The following BACH2 variants were observed in gnomAD, a reference collection of about 807,000 sequenced individuals.
BACH2 encodes the protein transcription regulator protein BACH2.
A neutral mutation model predicts 61.8 loss-of-function variants in BACH2; 5 were observed. That is an observed-to-expected ratio of 0.08 (90% confidence interval 0.04 to 0.17). The LOEUF (loss-of-function observed/expected upper bound fraction) is 0.17, where lower values mean the gene tolerates loss of function less well. Ranked by LOEUF, BACH2 falls within the 10% of genes least tolerant of loss-of-function variation. The pLI, the probability that BACH2 is intolerant of heterozygous loss-of-function variation, is 1.00. For missense variants in BACH2, 824 were observed against 1,091.1 expected (o/e 0.76, Z 3.45); for synonymous variants, 446 against 440.1 (o/e 1.01, Z -0.17).
At position 90,005,167 on chromosome 6, in the gene BACH2, C is replaced by T. The variant is rs190811248; in HGVS notation, c.243+3435G>A. 6.3e-4 allele frequency among the ~76,000 whole-genome samples: 96 copies of T among 152,024 alleles called. 2 individuals are homozygous for T. Among genetic ancestry groups the T allele is most frequent in the African/African-American group, 1.9e-3 (78 of 41,446 alleles). On this transcript the variant is annotated intron_variant, in intron 6 of 8. Transcript: ENST00000257749. ...ATTGCACAACTGGACAGTCGCTGGACGGCAGATCTGGGTTTGGCCTAAGGT... is the reference window on the plus strand; with the variant it reads ...ATTGCACAACTGGACAGTCGCTGGATGGCAGATCTGGGTTTGGCCTAAGGT...
chr6:90,282,384 C>T (rs1350864787), intron 1 of BACH2, among the ~76,000 whole-genome samples: 1 of 152,126 alleles, frequency 6.6e-6, no homozygotes. Context: ...TTAGCTCCCA[C>T]TTATAAGTGA....
chr6:89,967,148 T>A (rs1775089328), intron 6 of BACH2, among the ~76,000 whole-genome samples: 1 of 152,184 alleles, frequency 6.6e-6, no homozygotes, highest in Admixed American at 6.5e-5. Context: ...AGGAAGTAAG[T>A]CACAGGTGCT....
chr6:90,225,341 C>T (rs552886928), intron 3 of BACH2, among the ~76,000 whole-genome samples: 1 of 152,262 alleles, frequency 6.6e-6, no homozygotes, highest in Non-Finnish European at 1.5e-5. Context: ...GAGCTGTGAT[C>T]ATGCCACTGC....
At chr6:89,986,927 G>A (rs975341398) in intron 6 of BACH2, among the ~76,000 whole-genome samples, 4 of 152,170 alleles carry the variant, frequency 2.6e-5, no homozygotes, top group African/African-American at 7.2e-5. Flanking sequence ...AAAAAATGAG[G>A]TCTGGAGACA....
chr6:90,252,241 A>G (rs1452454403), intron 3 of BACH2, among the ~76,000 whole-genome samples: 2 of 152,152 alleles, frequency 1.3e-5, no homozygotes, highest in Non-Finnish European at 2.9e-5. Flanking sequence ...CTCCAGCCAA[A>G]TCTGATGAAG....
At chr6:90,206,469 G>A (rs1347363564) in intron 4 of BACH2, 100 bp downstream of exon 4, 1 of 152,396 alleles carries the variant, frequency 6.6e-6, no homozygotes, top group Admixed American at 6.5e-5. Context: ...CTTCTGGCAG[G>A]AGAAGCAACC....
intron 5 of BACH2, among the ~76,000 whole-genome samples, chr6:90,071,189 T>A (rs1317864320): frequency 3.3e-5 from 5 of 152,340 alleles, no homozygotes; most frequent in South Asian, 2.1e-4. Context: ...ATACTCCTAA[T>A]GTGATCTAAG....
At chr6:90,074,027 T>A (rs1389263429) in intron 5 of BACH2, among the ~76,000 whole-genome samples, 2 of 152,250 alleles carry the variant, frequency 1.3e-5, no homozygotes, top group Admixed American at 1.3e-4. Context: ...CTGTGCTTTT[T>A]ATAAATTATA....
chr6:90,126,789 A>G (rs1341046338), intron 4 of BACH2, among the ~76,000 whole-genome samples: 1 of 152,246 alleles, frequency 6.6e-6, no homozygotes, highest in Admixed American at 6.5e-5. Context: ...AGAAGTGGCC[A>G]GATGCCCAGT....
intron 4 of BACH2, among the ~76,000 whole-genome samples, chr6:90,093,897 G>A (rs945383449): frequency 6.6e-6 from 1 of 152,190 alleles, no homozygotes; most frequent in Non-Finnish European, 1.5e-5. Flanking sequence ...ATATGGTAAT[G>A]CTACACTAAG....
At position 90,190,415 on chromosome 6, in the gene BACH2, T is replaced by C. The variant is rs188196147; in HGVS notation, c.-162+16154A>G. Among the ~76,000 whole-genome samples the C allele has an allele frequency of 2.5e-3, 380 of 152,398 alleles. 4 individuals are homozygous for C. Among genetic ancestry groups the C allele is most frequent in the African/African-American group, 8.6e-3 (359 of 41,604 alleles). Reference sequence around the variant, plus strand: ...TGAATCACTTCTAATTGATTTACTATTTCTGCTCTTCTGCTAATAACAGAA... The same window carrying C: ...TGAATCACTTCTAATTGATTTACTACTTCTGCTCTTCTGCTAATAACAGAA... On this transcript the variant is annotated intron_variant, in intron 4 of 8. Coordinates refer to ENST00000257749, the MANE Select transcript of BACH2 (RefSeq NM_021813.4).
chr6:90,104,368 AG>A (rs1427901381), intron 4 of BACH2: 2 of 152,264 alleles, frequency 1.3e-5, no homozygotes, highest in Non-Finnish European at 2.9e-5. Flanking sequence ...TGTGCCCAGA[AG>A]CGAGGTGCTC....
chr6:90,196,173 A>C (rs1768752337), intron 4 of BACH2, among the ~76,000 whole-genome samples: 1 of 152,200 alleles, frequency 6.6e-6, no homozygotes, highest in African/African-American at 2.4e-5. Flanking sequence ...CAAATAAGAA[A>C]ATATGATTGC....
At chr6:89,968,375 G>A (rs947041764) in intron 6 of BACH2, among the ~76,000 whole-genome samples, 3 of 152,214 alleles carry the variant, frequency 2.0e-5, no homozygotes, top group African/African-American at 7.2e-5. Context: ...CAAGGACCAA[G>A]TCTTACACTT....
At chr6:90,057,066 GA>G (rs975079391) in intron 5 of BACH2, among the ~76,000 whole-genome samples, 1 of 152,024 alleles carries the variant, frequency 6.6e-6, no homozygotes, top group Non-Finnish European at 1.5e-5. Flanking sequence ...AAAAGAACTA[GA>G]AAAGCAAGAG....
chr6:90,128,193 G>T (rs1285802617), intron 4 of BACH2, among the ~76,000 whole-genome samples: 6 of 152,162 alleles, frequency 3.9e-5, no homozygotes, highest in African/African-American at 1.4e-4. Flanking sequence ...GTGGAGGAAA[G>T]AATCCATATC....
At chr6:90,116,553 T>A (rs72925947) in intron 4 of BACH2, 45,414 of 161,996 alleles carry the variant, frequency 0.28, 7,655 homozygotes, top group Non-Finnish European at 0.38. Context: ...GTACAACAAA[T>A]CCCTGTGACA....
chr6:90,296,804 CT>C lies in BACH2; in HGVS notation c.-771del. On this transcript the variant is annotated 5_prime_UTR_variant, in exon 1 of 9. Transcript: ENST00000257749. ...ACGGCCGCTGCTGCCGCTGCTGCTGCTGCTGCTGCTGCTGAGGCGGCGGCGG... is the reference window on the plus strand; with the variant it reads ...ACGGCCGCTGCTGCCGCTGCTGCTGCGCTGCTGCTGCTGAGGCGGCGGCGG... The C allele has an allele frequency of 5.7e-6, 1 of 176,802 alleles. No individual in the cohort carries two copies. Among genetic ancestry groups the C allele is most frequent in the Non-Finnish European group, 1.1e-5 (1 of 87,760 alleles). The allele number at this position is 176,802 out of a possible 1,614,324, so 11.0% of individuals were successfully genotyped here.
In BACH2 at chr6:90,103,911, A is replaced by C. The variant is rs954699701; in HGVS notation, c.-161-14802T>G. 3.9e-5 allele frequency among the ~76,000 whole-genome samples: 6 copies of C among 152,332 alleles called. No individual in the cohort carries two copies. The East Asian group carries it at 1.2e-3, about 29-fold the overall frequency. On this transcript the variant is annotated intron_variant, in intron 4 of 8. Transcript: ENST00000257749. The stretch of plus-strand genomic sequence containing the variant: ...TTACAAATTTGTCCTGAAAACATCC[A>C]TTTGAAATAGAAACAGGCATGAATT...
Sources: gnomAD v4.1 joint callset for allele counts (sites outside exome capture counted in the v4.1 genomes callset) on GRCh38, gnomAD v4.1.1 for gene constraint, MANE v1.5 for transcripts, NCBI Gene and HGNC (gene_info 2026-07-23, HGNC 2026-07-21) for gene names.